Variants in TENM2 observed in about 807,000 individuals in gnomAD.
The protein encoded by TENM2 is teneurin-2.
In TENM2, 52 loss-of-function variants were observed where a neutral mutation model predicts 245.2. The ratio of observed to expected loss-of-function variants is 0.21; its 90% CI spans 0.17 to 0.27. TENM2 has a LOEUF of 0.27. TENM2 is among the 10% of genes least tolerant of loss of function. The probability of loss-of-function intolerance (pLI) is 1.00; values close to 1 mark genes in which losing one functional copy is unlikely to be tolerated. For missense variants in TENM2, 3,046 were observed against 3,666.8 expected (o/e 0.83, Z 4.37); for synonymous variants, 1,363 against 1,438.9 (o/e 0.95, Z 1.19).
At position 168,091,703 on chromosome 5, in the gene TENM2, G is replaced by A. The variant is rs116146235; in HGVS notation, c.1711+934G>A. On this transcript the variant is annotated intron_variant, in intron 8 of 28. Coordinates refer to ENST00000518659, the Ensembl canonical transcript of TENM2. ...CCCAGGTTGTGGAAACAGTGGAAATGGCATGGGCTTCTGGGTCTTGTCCAC... is the reference window on the plus strand; with the variant it reads ...CCCAGGTTGTGGAAACAGTGGAAATAGCATGGGCTTCTGGGTCTTGTCCAC... Among the ~76,000 whole-genome samples the A allele has an allele frequency of 3.6e-3, 552 of 152,326 alleles. 6 individuals carry two copies. Among genetic ancestry groups the A allele is most frequent in the Non-Finnish European group, 4.8e-3 (325 of 68,024 alleles).
intron 2 of TENM2, among the ~76,000 whole-genome samples, chr5:167,859,361 C>A: frequency 6.7e-6 from 1 of 148,700 alleles, no homozygotes; most frequent in Non-Finnish European, 1.5e-5. Flanking sequence ...CGGCAGCCAC[C>A]CCGTCCGGGA....
chr5:167,503,203 A>C (rs568703105), intron 2 of TENM2, among the ~76,000 whole-genome samples: 11 of 152,214 alleles, frequency 7.2e-5, no homozygotes, highest in Non-Finnish European at 1.3e-4. Context: ...CAATTGAGTT[A>C]AAAATAATTC....
At chr5:167,678,394 T>C (rs1419669052) in intron 2 of TENM2, among the ~76,000 whole-genome samples, 2 of 152,084 alleles carry the variant, frequency 1.3e-5, no homozygotes, top group African/African-American at 4.8e-5. Flanking sequence ...TGCAGGGCGT[T>C]TTTTACTTCA....
chr5:167,280,802 C>CTATT (rs1771011217), upstream of TENM2, among the ~76,000 whole-genome samples: 2 of 151,396 alleles, frequency 1.3e-5, no homozygotes, highest in Non-Finnish European at 2.9e-5. Flanking sequence ...ATCTATCTAT[C>CTATT]TATCTGTCAT....
At chr5:168,033,746 G>T (rs114522030) in intron 5 of TENM2, among the ~76,000 whole-genome samples, 1,801 of 152,140 alleles carry the variant, frequency 0.012, 13 homozygotes, top group Non-Finnish European at 0.019. Flanking sequence ...GGGAGGTCAG[G>T]CATGGTAGCT....
At chr5:167,774,798 C>T (rs1007629667) in intron 2 of TENM2, among the ~76,000 whole-genome samples, 3 of 152,158 alleles carry the variant, frequency 2.0e-5, no homozygotes, top group African/African-American at 7.2e-5. Flanking sequence ...AGCAGCAAGC[C>T]TGAGTCCCCA....
chr5:168,001,170 T>A (rs2152040980), intron 5 of TENM2, among the ~76,000 whole-genome samples: 1 of 152,244 alleles, frequency 6.6e-6, no homozygotes, highest in East Asian at 1.9e-4. Flanking sequence ...AAGGGGAGGT[T>A]TTTGGTTTCT....
intron 2 of TENM2, among the ~76,000 whole-genome samples, chr5:167,610,568 A>G (rs558019342): frequency 6.6e-6 from 1 of 152,190 alleles, no homozygotes; most frequent in Non-Finnish European, 1.5e-5. Flanking sequence ...AACCAAGAAC[A>G]GAAAGCAAAT....
intron 1 of TENM2, among the ~76,000 whole-genome samples, chr5:167,314,860 G>T (rs1412805650): frequency 6.6e-6 from 1 of 151,540 alleles, no homozygotes; most frequent in Non-Finnish European, 1.5e-5. Flanking sequence ...CATTTTCACT[G>T]AAGTACTTAT....
intron 2 of TENM2, among the ~76,000 whole-genome samples, chr5:167,761,241 A>G (rs930071259): frequency 1.3e-5 from 2 of 151,818 alleles, no homozygotes; most frequent in Non-Finnish European, 2.9e-5. Flanking sequence ...TTTTGTTTTG[A>G]GTTTCTAACA....
chr5:168,059,549 C>T (rs573894287), intron 6 of TENM2, among the ~76,000 whole-genome samples: 2 of 152,290 alleles, frequency 1.3e-5, no homozygotes, highest in African/African-American at 4.8e-5. Flanking sequence ...GAGGCCCACA[C>T]ACTCTTCTTC....
chr5:168,046,097 C>A (rs761914158), intron 5 of TENM2, among the ~76,000 whole-genome samples: 2 of 152,176 alleles, frequency 1.3e-5, no homozygotes, highest in Admixed American at 6.5e-5. Flanking sequence ...CACACGGACA[C>A]CTTGCCACCT....
chr5:167,823,463 TCTC>T (rs1330047739), intron 2 of TENM2, among the ~76,000 whole-genome samples: 2 of 151,918 alleles, frequency 1.3e-5, no homozygotes, highest in African/African-American at 4.8e-5. Flanking sequence ...GCCACCAAAT[TCTC>T]CTTCTATTCA....
At chr5:167,938,255 C>A (rs1424227436) in intron 3 of TENM2, among the ~76,000 whole-genome samples, 2 of 152,140 alleles carry the variant, frequency 1.3e-5, no homozygotes, top group Non-Finnish European at 2.9e-5. Context: ...AAAAAACCTG[C>A]ACATTGAGAT....
intron 7 of TENM2, among the ~76,000 whole-genome samples, chr5:168,079,476 G>A (rs1418377663): frequency 6.6e-6 from 1 of 152,142 alleles, no homozygotes; most frequent in East Asian, 1.9e-4. Context: ...TGTTGAATAG[G>A]AGTGGTGAGA....
chr5:167,702,555 T>TATATATATATATATATATACATACATAC (rs1461823611), intron 2 of TENM2, among the ~76,000 whole-genome samples: 1 of 145,874 alleles, frequency 6.9e-6, no homozygotes, highest in African/African-American at 2.5e-5. Flanking sequence ...TGTGTGTGTA[T>TATATATATATATATATATACATACATAC]ATATATATAT....
chr5:167,278,931 G>C, the TENM2 span, among the ~76,000 whole-genome samples: 29 of 152,204 alleles, frequency 1.9e-4, no homozygotes, highest in South Asian at 1.5e-3. Context: ...TCTATTTAGA[G>C]AACTAACTCT....
chr5:167,837,761 C>T (rs1047073088), intron 2 of TENM2, among the ~76,000 whole-genome samples: 1 of 152,010 alleles, frequency 6.6e-6, no homozygotes, highest in African/African-American at 2.4e-5. Flanking sequence ...ACAATAGACT[C>T]CAACCACACA....
intron 2 of TENM2, among the ~76,000 whole-genome samples, chr5:167,791,195 G>A (rs1163219426): frequency 6.6e-6 from 1 of 151,852 alleles, no homozygotes; most frequent in Non-Finnish European, 1.5e-5. Context: ...TGATATTTTA[G>A]CTATTATATT....
Sources: gnomAD v4.1 joint callset for allele counts (sites outside exome capture counted in the v4.1 genomes callset) on GRCh38, gnomAD v4.1.1 for gene constraint, MANE v1.5 for transcripts, NCBI Gene and HGNC (gene_info 2026-07-23, HGNC 2026-07-21) for gene names.